PCDH9: variants seen among roughly 807,000 people sequenced by gnomAD.
The protein encoded by PCDH9 is protocadherin 9.
A neutral mutation model predicts 70.6 loss-of-function variants in PCDH9; 24 were observed. The observed-to-expected ratio is 0.34, with a 90% CI of 0.25 to 0.48. The LOEUF is 0.48. Among genes scored for constraint, PCDH9 ranks in the 20% least tolerant of loss-of-function variants. The pLI is 0.99. For synonymous variants in PCDH9, 562 were observed against 558.5 expected (o/e 1.01, Z -0.09); for missense variants, 1,281 against 1,503.6 (o/e 0.85, Z 2.45).
chr13:67,174,856 T>A (rs1013526253), intron 2 of PCDH9, among the ~76,000 whole-genome samples: 34 of 151,880 alleles, frequency 2.2e-4, no homozygotes, highest in African/African-American at 8.2e-4. Context: ...CTTTGTTAAA[T>A]TAAATTCAAT....
At chr13:66,374,038 A>G (rs1238814717) in intron 4 of PCDH9, among the ~76,000 whole-genome samples, 1 of 152,096 alleles carries the variant, frequency 6.6e-6, no homozygotes, top group Non-Finnish European at 1.5e-5. Flanking sequence ...AACAATGATA[A>G]TTGCTAGGTT....
chr13:66,743,570 A>T (rs1429772497), intron 3 of PCDH9, among the ~76,000 whole-genome samples: 3 of 152,148 alleles, frequency 2.0e-5, no homozygotes, highest in Non-Finnish European at 1.5e-5. Flanking sequence ...AGGCCAAGAG[A>T]TCTATGGTGT....
chr13:66,436,569 C>T (rs1221806200), intron 4 of PCDH9, among the ~76,000 whole-genome samples: 2 of 152,094 alleles, frequency 1.3e-5, no homozygotes, highest in African/African-American at 4.8e-5. Flanking sequence ...TTGTTCAATT[C>T]TACCTATTCC....
intron 2 of PCDH9, among the ~76,000 whole-genome samples, chr13:67,089,778 AT>A (rs2086180134): frequency 6.6e-6 from 1 of 151,966 alleles, no homozygotes; most frequent in African/African-American, 2.4e-5. Context: ...TTCAGCATTT[AT>A]TTTTTGTTCC....
At chr13:66,972,275 G>A (rs979234677) in intron 2 of PCDH9, among the ~76,000 whole-genome samples, 13 of 151,796 alleles carry the variant, frequency 8.6e-5, no homozygotes. Context: ...GTGTTAAACA[G>A]AATAATTAAT....
At chr13:67,169,293 T>G (rs1227596540) in intron 2 of PCDH9, among the ~76,000 whole-genome samples, 2 of 152,248 alleles carry the variant, frequency 1.3e-5, no homozygotes, top group Admixed American at 1.3e-4. Context: ...TAAAATCATC[T>G]GTTCAAATTT....
chr13:66,624,932 T>C (rs1191175397), intron 4 of PCDH9, among the ~76,000 whole-genome samples: 1 of 142,764 alleles, frequency 7.0e-6, no homozygotes, highest in East Asian at 2.1e-4. Context: ...TTAACCTTTG[T>C]ATTCTGGAAA....
intron 4 of PCDH9, among the ~76,000 whole-genome samples, chr13:66,465,255 AG>A (rs1316212629): frequency 1.3e-5 from 2 of 151,918 alleles, no homozygotes; most frequent in African/African-American, 4.8e-5. Context: ...TCAAGTGACG[AG>A]AAATATTTTC....
intron 4 of PCDH9, among the ~76,000 whole-genome samples, chr13:66,421,324 G>C (rs1957563004): frequency 2.6e-5 from 4 of 152,078 alleles, no homozygotes. Context: ...GAAATACAGA[G>C]AACATCACAA....
intron 2 of PCDH9, among the ~76,000 whole-genome samples, chr13:67,019,114 C>A (rs545674064): frequency 6.6e-6 from 1 of 151,412 alleles, no homozygotes; most frequent in South Asian, 2.1e-4. Context: ...TCATGAGAAT[C>A]TTCCCTTCCT....
intron 4 of PCDH9, among the ~76,000 whole-genome samples, chr13:66,450,361 G>A (rs1958180633): frequency 6.6e-6 from 1 of 152,166 alleles, no homozygotes; most frequent in Non-Finnish European, 1.5e-5. Flanking sequence ...ACATGAGAAA[G>A]CATTGTCTAA....
intron 4 of PCDH9, among the ~76,000 whole-genome samples, chr13:66,393,389 T>C (rs1232006444): frequency 6.6e-6 from 1 of 152,050 alleles, no homozygotes; most frequent in African/African-American, 2.4e-5. Flanking sequence ...AAGAGCTGAG[T>C]TGGCACTGTT....
chr13:67,165,721 T>C (rs2088095641), intron 2 of PCDH9, among the ~76,000 whole-genome samples: 1 of 152,194 alleles, frequency 6.6e-6, no homozygotes, highest in African/African-American at 2.4e-5. Flanking sequence ...AAACACATTA[T>C]CTTTTAAAAA....
At chr13:66,565,812 T>C (rs901947492) in intron 4 of PCDH9, among the ~76,000 whole-genome samples, 2 of 152,182 alleles carry the variant, frequency 1.3e-5, no homozygotes, top group Admixed American at 6.5e-5. Flanking sequence ...AGGATATAAA[T>C]ATAAAGGGAT....
intron 3 of PCDH9, among the ~76,000 whole-genome samples, chr13:66,855,249 T>G (rs181819745): frequency 6.6e-6 from 1 of 152,132 alleles, no homozygotes. Flanking sequence ...ATTTGGTCCA[T>G]GAGAAAGATG....
chr13:66,479,595 A>G (rs1046186829), intron 4 of PCDH9, among the ~76,000 whole-genome samples: 7 of 150,394 alleles, frequency 4.7e-5, no homozygotes, highest in African/African-American at 1.7e-4. Context: ...ATCTAGCTAG[A>G]GGATTGTAAA....
At chr13:66,415,962 C>T (rs1957452809) in intron 4 of PCDH9, among the ~76,000 whole-genome samples, 1 of 152,038 alleles carries the variant, frequency 6.6e-6, no homozygotes, top group African/African-American at 2.4e-5. Context: ...TCAAAATTTT[C>T]CTGATTATTG....
chr13:66,425,488 C>G (rs1050260232), intron 4 of PCDH9, among the ~76,000 whole-genome samples: 4 of 151,118 alleles, frequency 2.6e-5, no homozygotes, highest in African/African-American at 9.7e-5. Context: ...ATCAGAGACT[C>G]TTATGTTTAC....
intron 3 of PCDH9, among the ~76,000 whole-genome samples, chr13:66,730,881 T>TTTTTG (rs2079067396): frequency 1.3e-4 from 2 of 15,804 alleles, no homozygotes; most frequent in African/African-American, 1.9e-4. Context: ...TGTGTGTTTT[T>TTTTTG]TTTTTGTTTG....
Sources: allele counts gnomAD v4.1 joint callset (sites outside exome capture counted in the v4.1 genomes callset), GRCh38; gene constraint gnomAD v4.1.1; transcripts MANE v1.5; gene names NCBI Gene and HGNC (gene_info 2026-07-23, HGNC 2026-07-21).